SLC8A3: variants seen among roughly 807,000 people sequenced by gnomAD.
SLC8A3 encodes solute carrier family 8 member A3, also known as sodium/calcium exchanger 3.
Under a neutral mutation model 65.4 loss-of-function variants are expected in SLC8A3, and 37 were observed. The observed-to-expected ratio is 0.57, with a 90% CI of 0.44 to 0.74. The LOEUF (loss-of-function observed/expected upper bound fraction) is 0.74. Among genes scored for constraint, SLC8A3 ranks in the 30% least tolerant of loss-of-function variants. The pLI, the probability that SLC8A3 is intolerant of heterozygous loss-of-function variation, is 0.00. For synonymous variants in SLC8A3, 461 were observed against 444.5 expected (o/e 1.04, Z -0.47); for missense variants, 1,112 against 1,172.1 (o/e 0.95, Z 0.75).
chr14:70,056,021 CT>C (rs1888075102), intron 3 of SLC8A3, among the ~76,000 whole-genome samples: 1 of 152,184 alleles, frequency 6.6e-6, no homozygotes, highest in African/African-American at 2.4e-5. Flanking sequence ...GCCGGAGAGG[CT>C]GCTGAGCACC....
At chr14:70,112,558 C>A (rs984980515) in intron 2 of SLC8A3, among the ~76,000 whole-genome samples, 1 of 152,140 alleles carries the variant, frequency 6.6e-6, no homozygotes, top group Non-Finnish European at 1.5e-5. Flanking sequence ...TGTAGACGAG[C>A]CAAGGTTGAG....
chr14:70,176,661 C>T (rs1312992694), intron 1 of SLC8A3, among the ~76,000 whole-genome samples: 1 of 152,242 alleles, frequency 6.6e-6, no homozygotes, highest in Non-Finnish European at 1.5e-5. Flanking sequence ...GCTGGACAAA[C>T]ATCTCACCTT....
intron 2 of SLC8A3, among the ~76,000 whole-genome samples, chr14:70,090,313 C>T (rs995979691): frequency 5.9e-5 from 9 of 152,166 alleles, no homozygotes; most frequent in African/African-American, 2.2e-4. Context: ...ATTTTATTCT[C>T]TTCCCTTCCA....
At position 70,058,159 on chromosome 14, in the gene SLC8A3, T is replaced by A. The variant is rs112488880; in HGVS notation, c.1888+2677A>T. On this transcript the variant is annotated intron_variant, in intron 3 of 6. Coordinates refer to ENST00000356921, the MANE Select transcript of SLC8A3 (RefSeq NM_182932.3). Reference sequence around the variant, plus strand: ...TTTCAAATCCAGTCTCTCATTTTTTTAATGCAATTGTCATTTTGACCATGC... The same window carrying A: ...TTTCAAATCCAGTCTCTCATTTTTTAAATGCAATTGTCATTTTGACCATGC... Among the ~76,000 whole-genome samples the A allele has an allele frequency of 8.6e-3, 1,309 of 152,356 alleles. 17 individuals are homozygous for A. The highest frequency in any genetic ancestry group is 0.02 in the Middle Eastern group (6 of 294).
chr14:70,094,385 A>G (rs1892014563), intron 2 of SLC8A3, among the ~76,000 whole-genome samples: 1 of 152,216 alleles, frequency 6.6e-6, no homozygotes, highest in Admixed American at 6.5e-5. Context: ...TGCTCCATAA[A>G]TATCAGTTTC....
chr14:70,049,699 C>T lies in SLC8A3; in HGVS notation c.2114-657G>A, dbSNP rs1001561341. 3.3e-5 allele frequency among the ~76,000 whole-genome samples: 5 copies of T among 152,050 alleles called. No homozygotes were observed. In the East Asian group the frequency reaches 7.7e-4, roughly 23 times the overall value. ...TCTAAGGAGAGAAGTGAAATCAGTTCGGTGTGGCCACTCTTCACTGGATGC... is the reference window on the plus strand; with the variant it reads ...TCTAAGGAGAGAAGTGAAATCAGTTTGGTGTGGCCACTCTTCACTGGATGC... On this transcript the variant is annotated intron_variant, in intron 5 of 6. Coordinates refer to ENST00000356921, the MANE Select transcript of SLC8A3 (RefSeq NM_182932.3).
chr14:70,181,519 G>C (rs1389838203), intron 1 of SLC8A3, among the ~76,000 whole-genome samples: 1 of 150,184 alleles, frequency 6.7e-6, no homozygotes, highest in Non-Finnish European at 1.5e-5. Context: ...ATGAAAAACA[G>C]ATGTCACATT....
At chr14:70,083,882 G>A (rs4144997) in intron 2 of SLC8A3, among the ~76,000 whole-genome samples, 71,254 of 151,952 alleles carry the variant, frequency 0.47, 16,992 homozygotes, top group South Asian at 0.66. Context: ...TGGACATTCC[G>A]GAGGCAAAAA....
In SLC8A3 at chr14:70,046,073, G is replaced by T. The variant is rs898381647; in HGVS notation, c.2640C>A (p.His880Gln). The T allele has an allele frequency of 2.5e-6, 4 of 1,614,146 alleles. No individual in the cohort carries two copies. The highest frequency in any genetic ancestry group is 2.2e-5 in the East Asian group (1 of 44,880). ...GGGGGCCACCAAGCTCCCCTCCCAG[G>T]TGCGGCCGCCTTCGGTACAAGAGCA... ...ISVLLYRRRP[H>Q]LGGELGGPRG... The change falls in exon 7 of 7, where the codon CAC (histidine) becomes CAA (glutamine). Residue 880 changes from histidine to glutamine, a missense_variant. Coordinates refer to ENST00000356921, the MANE Select transcript of SLC8A3 (RefSeq NM_182932.3). This position sits in a 1 kb window ranked among gnomAD's most constrained non-coding sequence, Gnocchi z 4.2.
intron 2 of SLC8A3, among the ~76,000 whole-genome samples, chr14:70,158,158 A>G (rs889394249): frequency 1.3e-5 from 2 of 152,248 alleles, no homozygotes; most frequent in African/African-American, 4.8e-5. Flanking sequence ...GATGCAGCAA[A>G]GAATGTTTAG....
intron 2 of SLC8A3, among the ~76,000 whole-genome samples, chr14:70,143,237 T>A (rs574494818): frequency 2.0e-5 from 3 of 152,326 alleles, no homozygotes; most frequent in African/African-American, 7.2e-5. Context: ...AAGTGCTTAT[T>A]ATGAGCTGAG....
rs560902377 is a variant in SLC8A3 at position 70,138,140 on chromosome 14, T to C, written c.1784+28499A>G. On this transcript the variant is annotated intron_variant, in intron 2 of 6. Coordinates refer to ENST00000356921, the MANE Select transcript of SLC8A3 (RefSeq NM_182932.3). ...TAACCCTTGGTCTTGAGTGGGTGGGTGGCTGGCAGAGCATCCTGATGGACT... is the reference window on the plus strand; with the variant it reads ...TAACCCTTGGTCTTGAGTGGGTGGGCGGCTGGCAGAGCATCCTGATGGACT... Among the ~76,000 whole-genome samples, 10 of 152,194 alleles carry C rather than the reference T, an allele frequency of 6.6e-5. No individual in the cohort carries two copies. In the East Asian group the frequency reaches 1.9e-3, roughly 29 times the overall value.
intron 2 of SLC8A3, among the ~76,000 whole-genome samples, chr14:70,136,679 G>A (rs1388794877): frequency 5.3e-5 from 8 of 152,100 alleles, no homozygotes; most frequent in Admixed American, 5.2e-4. Context: ...ACCTGCATAG[G>A]TTCAAAGCAT....
chr14:70,062,096 CT>C (rs1307650971), intron 2 of SLC8A3, among the ~76,000 whole-genome samples: 1 of 62,916 alleles, frequency 1.6e-5, no homozygotes, highest in East Asian at 4.6e-4. Context: ...CTTTCTTTTT[CT>C]TTTTCTTTTT....
chr14:70,132,635 T>C (rs973646323), intron 2 of SLC8A3, among the ~76,000 whole-genome samples: 1 of 152,186 alleles, frequency 6.6e-6, no homozygotes, highest in African/African-American at 2.4e-5. Context: ...GTCAATTGCA[T>C]TTCAGGGTAG....
intron 2 of SLC8A3, among the ~76,000 whole-genome samples, chr14:70,108,556 G>T (rs569170765): frequency 6.6e-6 from 1 of 152,178 alleles, no homozygotes; most frequent in East Asian, 1.9e-4. Context: ...ATGGATCACT[G>T]GTTTTCTCCC....
intron 1 of SLC8A3, among the ~76,000 whole-genome samples, chr14:70,175,555 A>C (rs1462519559): frequency 1.3e-5 from 2 of 152,198 alleles, no homozygotes; most frequent in Non-Finnish European, 2.9e-5. Flanking sequence ...CCTTCCCCGA[A>C]AATGCATCTT....
At chr14:70,052,140 C>G (rs768498556) in intron 3 of SLC8A3, 26 bp from the exon 4 acceptor site, 1 of 1,574,818 alleles carries the variant, frequency 6.3e-7, no homozygotes, top group African/African-American at 1.4e-5. Context: ...ATCAGACTCG[C>G]TTTAACACCT....
At chr14:70,059,810 G>C (rs1311891349) in intron 3 of SLC8A3, among the ~76,000 whole-genome samples, 3 of 152,156 alleles carry the variant, frequency 2.0e-5, no homozygotes, top group Non-Finnish European at 4.4e-5. Context: ...GCATCATTTA[G>C]AGTCTCTTCT....
Sources: gnomAD v4.1 joint callset for allele counts (sites outside exome capture counted in the v4.1 genomes callset) on GRCh38, gnomAD v4.1.1 for gene constraint, Gnocchi (gnomAD v3.1) non-coding constraint, MANE v1.5 for transcripts, NCBI Gene and HGNC (gene_info 2026-07-23, HGNC 2026-07-21) for gene names.